PRKCQ: variants seen among roughly 807,000 people sequenced by gnomAD.
The protein encoded by PRKCQ is protein kinase C theta.
In PRKCQ, 41 loss-of-function variants were observed where a neutral mutation model predicts 91.2. That is an observed-to-expected ratio of 0.45 (90% CI 0.35 to 0.58). The LOEUF (loss-of-function observed/expected upper bound fraction) is 0.58, where lower values mean the gene tolerates loss of function less well. PRKCQ is among the 20% of genes least tolerant of loss of function. The probability of loss-of-function intolerance (pLI) is 0.00; values close to 1 mark genes in which losing one functional copy is unlikely to be tolerated. For synonymous variants in PRKCQ, 307 were observed against 316.9 expected (o/e 0.97, Z 0.33); for missense variants, 673 against 896.5 (o/e 0.75, Z 3.18).
intron 7 of PRKCQ, among the ~76,000 whole-genome samples, chr10:6,492,070 T>C (rs1837334446): frequency 1.3e-5 from 2 of 152,186 alleles, no homozygotes; most frequent in African/African-American, 4.8e-5. Flanking sequence ...TCTGAGGCAT[T>C]CACACAGACA....
intron 17 of PRKCQ, among the ~76,000 whole-genome samples, chr10:6,429,064 C>T (rs1182271002): frequency 6.6e-6 from 1 of 152,210 alleles, no homozygotes; most frequent in Non-Finnish European, 1.5e-5. Flanking sequence ...CAACCATTAT[C>T]AACAGAAAGT....
At chr10:6,394,430 A>T in the PRKCQ span, among the ~76,000 whole-genome samples, 1 of 152,254 alleles carries the variant, frequency 6.6e-6, no homozygotes, top group African/African-American at 2.4e-5. Flanking sequence ...AGGGGGAAGA[A>T]TTAGAACACA....
intron 10 of PRKCQ, among the ~76,000 whole-genome samples, 158 bp downstream of exon 10, chr10:6,484,994 T>C (rs1326396986): frequency 2.0e-5 from 3 of 152,204 alleles, no homozygotes; most frequent in Admixed American, 6.5e-5. Context: ...TAAAAGGTTT[T>C]AGTTTCTTTT....
At chr10:6,457,258 C>T (rs1011974803) in intron 14 of PRKCQ, among the ~76,000 whole-genome samples, 9 of 152,202 alleles carry the variant, frequency 5.9e-5, no homozygotes, top group South Asian at 2.1e-4. Context: ...ATCCATCCAA[C>T]GCCAGAATGT....
chr10:6,551,148 T>A (rs541001993), intron 1 of PRKCQ, among the ~76,000 whole-genome samples: 106 of 152,250 alleles, frequency 7.0e-4, no homozygotes, highest in African/African-American at 2.5e-3. Context: ...ATCTTCTCTC[T>A]ACTGTCACCC....
chr10:6,552,924 A>G (rs1282298066), intron 1 of PRKCQ, among the ~76,000 whole-genome samples: 3 of 152,312 alleles, frequency 2.0e-5, no homozygotes, highest in East Asian at 3.9e-4. Flanking sequence ...ATGAAAACCT[A>G]TCATGTAATA....
chr10:6,478,958 A>T, intron 12 of PRKCQ, 34 bp downstream of exon 12: 1 of 1,609,822 alleles, frequency 6.2e-7, no homozygotes. Flanking sequence ...GACAGGTTAG[A>T]GGGGAGGTAG....
At chr10:6,535,650 C>T (rs1839553767) in intron 1 of PRKCQ, among the ~76,000 whole-genome samples, 1 of 152,170 alleles carries the variant, frequency 6.6e-6, no homozygotes, top group Non-Finnish European at 1.5e-5. Context: ...TGTCTCCAGC[C>T]ATGCGCCAAG....
chr10:6,471,144 C>A (rs143040680), intron 12 of PRKCQ, among the ~76,000 whole-genome samples: 100 of 152,274 alleles, frequency 6.6e-4, no homozygotes, highest in African/African-American at 2.2e-3. Context: ...ATTTATCTTT[C>A]TTTTTCTCTT....
intron 8 of PRKCQ, among the ~76,000 whole-genome samples, chr10:6,488,003 T>TC (rs1837026736): frequency 2.0e-5 from 1 of 50,658 alleles, no homozygotes; most frequent in Non-Finnish European, 4.1e-5. Flanking sequence ...AGACTGTGTC[T>TC]CAAAAAAAAA....
In PRKCQ at chr10:6,540,703, G is replaced by A. The variant is rs1351637501; in HGVS notation, c.-9-25559C>T. ...GAATAATGCTGCCACGGAGTTTAGTGTACAAGTATCTCAGTCCTCATTTTC... is the reference window on the plus strand; with the variant it reads ...GAATAATGCTGCCACGGAGTTTAGTATACAAGTATCTCAGTCCTCATTTTC... On this transcript the variant is annotated intron_variant, in intron 1 of 17. Transcript: ENST00000263125. Among the ~76,000 whole-genome samples, 2 of 152,308 alleles carry A rather than the reference G, an allele frequency of 1.3e-5. 1 individual carries two copies. The highest frequency in any genetic ancestry group is 4.8e-5 in the African/African-American group (2 of 41,562).
intron 1 of PRKCQ, among the ~76,000 whole-genome samples, chr10:6,535,310 GT>G (rs1839539937): frequency 6.6e-6 from 1 of 152,154 alleles, no homozygotes; most frequent in Non-Finnish European, 1.5e-5. Context: ...CATAGTTCCT[GT>G]TTCCAAGAAT....
chr10:6,420,233 C>A, the PRKCQ span, among the ~76,000 whole-genome samples: 132,976 of 152,116 alleles, frequency 0.87, 60,342 homozygotes, highest in East Asian at 1. Context: ...GTGATCCACC[C>A]GCCTAGGCCT....
chr10:6,395,309 T>C, the PRKCQ span, among the ~76,000 whole-genome samples: 1 of 148,118 alleles, frequency 6.8e-6, no homozygotes, highest in South Asian at 2.1e-4. Flanking sequence ...CGTGATCCGC[T>C]CACCTCGGTC....
Position 6,478,138 on chromosome 10 carries a change from G to A in PRKCQ, c.1353+854C>T, listed in dbSNP as rs114613563. Among the ~76,000 whole-genome samples the A allele has an allele frequency of 4.1e-3, 625 of 152,300 alleles. 6 individuals are homozygous for A. The highest frequency in any genetic ancestry group is 0.013 in the African/African-American group (536 of 41,566). ...ATTAGAGATGTTCTAGTTAAATCAC[G>A]TTGTAGAATATCCAAAGACGTAAGA... is the stretch of plus-strand genomic sequence containing the variant. On this transcript the variant is annotated intron_variant, in intron 12 of 17. Coordinates refer to ENST00000263125, the MANE Select transcript of PRKCQ (RefSeq NM_006257.5).
chr10:6,506,407 A>G (rs537985443), intron 4 of PRKCQ, among the ~76,000 whole-genome samples: 3 of 150,052 alleles, frequency 2.0e-5, no homozygotes, highest in Non-Finnish European at 2.9e-5. Flanking sequence ...GTATCATATT[A>G]TTTTATCTAA....
At chr10:6,423,240 G>T (rs1258087831), downstream of PRKCQ, among the ~76,000 whole-genome samples, 4 of 152,180 alleles carry the variant, frequency 2.6e-5, no homozygotes, top group Admixed American at 6.5e-5. Context: ...AGGCATGTAG[G>T]GAACAATGAG....
chr10:6,467,107 G>A (rs2130722186), intron 12 of PRKCQ, among the ~76,000 whole-genome samples: 1 of 152,186 alleles, frequency 6.6e-6, no homozygotes, highest in East Asian at 1.9e-4. Context: ...GTCCTTCTAG[G>A]AAGCAATTTA....
intron 1 of PRKCQ, among the ~76,000 whole-genome samples, chr10:6,563,208 TAA>T (rs1207555276): frequency 6.6e-6 from 1 of 151,972 alleles, no homozygotes; most frequent in Non-Finnish European, 1.5e-5. Flanking sequence ...TTTCAGAGCG[TAA>T]GTCTCACAGT....
Sources: allele counts gnomAD v4.1 joint callset (sites outside exome capture counted in the v4.1 genomes callset), GRCh38; gene constraint gnomAD v4.1.1; transcripts MANE v1.5; gene names NCBI Gene and HGNC (gene_info 2026-07-23, HGNC 2026-07-21).